The following MREG variants were observed in gnomAD, a reference collection of about 807,000 sequenced individuals.
The protein encoded by MREG is melanoregulin.
In MREG, 31 loss-of-function variants were observed where a neutral mutation model predicts 28.5. That is an observed-to-expected ratio of 1.09 (90% confidence interval 0.82 to 1.47). MREG has a LOEUF of 1.47. MREG is among the 40% of genes most tolerant of loss of function. The pLI is 0.00. For missense variants in MREG, 256 were observed against 257.4 expected (o/e 0.99, Z 0.04); for synonymous variants, 106 against 95.2 (o/e 1.11, Z -0.66).
At chr2:215,967,246 T>A (rs1315568791) in intron 2 of MREG, among the ~76,000 whole-genome samples, 1 of 152,216 alleles carries the variant, frequency 6.6e-6, no homozygotes, top group Non-Finnish European at 1.5e-5. Context: ...GTCATCTGCC[T>A]GCCTCTTTGT....
At chr2:216,010,544 A>C (rs1694274082) in intron 1 of MREG, among the ~76,000 whole-genome samples, 2 of 150,308 alleles carry the variant, frequency 1.3e-5, no homozygotes, top group Non-Finnish European at 3.0e-5. Flanking sequence ...TTTTTAGTAG[A>C]GACGGGGTTT....
chr2:216,004,765 G>A (rs894944979), intron 1 of MREG, among the ~76,000 whole-genome samples: 1 of 152,100 alleles, frequency 6.6e-6, no homozygotes, highest in African/African-American at 2.4e-5. Context: ...TCTTGTGGGA[G>A]GAAGCAGATG....
At chr2:216,021,035 T>G (rs868324947) in intron 1 of MREG, among the ~76,000 whole-genome samples, 1 of 152,218 alleles carries the variant, frequency 6.6e-6, no homozygotes, top group Middle Eastern at 3.2e-3. Context: ...ACACCTGCAC[T>G]AGAATCCCTA....
intron 1 of MREG, among the ~76,000 whole-genome samples, chr2:216,011,502 T>C (rs1694309927): frequency 6.6e-6 from 1 of 152,222 alleles, no homozygotes; most frequent in South Asian, 2.1e-4. Context: ...TTGAAGTATG[T>C]ACTATTATCA....
intron 2 of MREG, among the ~76,000 whole-genome samples, chr2:215,957,340 T>G (rs1465435888): frequency 6.6e-6 from 1 of 152,172 alleles, no homozygotes; most frequent in Non-Finnish European, 1.5e-5. Context: ...CACACCACCT[T>G]GGTGCTTCCT....
chr2:215,949,219 C>T (rs1692417398), intron 2 of MREG, among the ~76,000 whole-genome samples: 1 of 150,036 alleles, frequency 6.7e-6, no homozygotes, highest in South Asian at 2.1e-4. Flanking sequence ...GCAGAGATCG[C>T]ACCACTGCAC....
At chr2:215,973,010 A>C (rs1693146546) in intron 2 of MREG, among the ~76,000 whole-genome samples, 1 of 152,132 alleles carries the variant, frequency 6.6e-6, no homozygotes, top group African/African-American at 2.4e-5. Context: ...GGGAGAAAAA[A>C]ATATGAGTGT....
At chr2:215,959,232 CT>C (rs767424359) in intron 2 of MREG, among the ~76,000 whole-genome samples, 11 of 152,136 alleles carry the variant, frequency 7.2e-5, no homozygotes, top group Non-Finnish European at 1.5e-4. Context: ...AAGTCTCTTA[CT>C]TTAGTCGTCA....
chr2:216,015,950 G>A (rs937983368), upstream of MREG, among the ~76,000 whole-genome samples: 2 of 152,106 alleles, frequency 1.3e-5, no homozygotes, highest in Admixed American at 6.5e-5. Context: ...CCTCATGGGC[G>A]GTGTATTATT....
intron 2 of MREG, among the ~76,000 whole-genome samples, chr2:215,974,569 G>A (rs1312119000): frequency 2.6e-5 from 4 of 152,094 alleles, no homozygotes; most frequent in African/African-American, 9.7e-5. Context: ...CAAGGGAAGA[G>A]GCAGGGCTAG....
At chr2:215,988,655 G>A (rs553161372) in intron 2 of MREG, among the ~76,000 whole-genome samples, 42 of 152,302 alleles carry the variant, frequency 2.8e-4, no homozygotes, top group Non-Finnish European at 5.6e-4. Flanking sequence ...TGAAATTCTC[G>A]CTGCCAGCAC....
chr2:215,977,755 C>A (rs1332191283), intron 2 of MREG, among the ~76,000 whole-genome samples: 1 of 152,178 alleles, frequency 6.6e-6, no homozygotes, highest in East Asian at 1.9e-4. Flanking sequence ...TACATGGAAA[C>A]TGAACAACCT....
exon 1 of MREG, chr2:216,032,902 A>G (rs2105936863): frequency 6.6e-6 from 1 of 152,338 alleles, no homozygotes; most frequent in East Asian, 1.9e-4. Flanking sequence ...TACCAAAGCA[A>G]AAAACTAAAG....
At chr2:215,967,229 CT>C (rs1692966527) in intron 2 of MREG, among the ~76,000 whole-genome samples, 1 of 152,156 alleles carries the variant, frequency 6.6e-6, no homozygotes, top group African/African-American at 2.4e-5. Flanking sequence ...AGACCTTTAC[CT>C]TGTCAGTCAT....
intron 1 of MREG, among the ~76,000 whole-genome samples, chr2:216,003,387 G>A (rs536218067): frequency 1.1e-3 from 171 of 152,232 alleles, no homozygotes; most frequent in African/African-American, 1.7e-3. Flanking sequence ...GCTCGAAGAC[G>A]GTCCTGACAG....
upstream of MREG, among the ~76,000 whole-genome samples, chr2:216,016,493 A>G (rs1694451141): frequency 6.6e-6 from 1 of 152,216 alleles, no homozygotes; most frequent in Admixed American, 6.5e-5. Context: ...CTCCTGGAAA[A>G]TATAAGTGCT....
intron 1 of MREG, among the ~76,000 whole-genome samples, chr2:216,026,102 C>G (rs1694590980): frequency 6.6e-6 from 1 of 152,056 alleles, no homozygotes; most frequent in African/African-American, 2.4e-5. Context: ...TGAAAAAAGC[C>G]AGACACAAAA....
At chr2:216,028,993 T>C (rs904182957) in intron 1 of MREG, among the ~76,000 whole-genome samples, 3 of 152,072 alleles carry the variant, frequency 2.0e-5, no homozygotes, top group African/African-American at 7.2e-5. Context: ...CCCATTGGAA[T>C]ATGGAGTTAA....
In MREG at chr2:215,943,357, G is replaced by A. The variant is rs957203929; in HGVS notation, c.*1506C>T. The A allele has an allele frequency of 6.6e-6, 3 of 456,304 alleles. No homozygotes were observed. In the Admixed American group the frequency reaches 7.0e-5, roughly 11 times the overall value. The allele number at this position is 456,304 out of a possible 1,614,324, so 28.3% of individuals were successfully genotyped here. On this transcript the variant is annotated 3_prime_UTR_variant, in exon 5 of 5. Coordinates refer to ENST00000263268, the MANE Select transcript of MREG (RefSeq NM_018000.3). ...TGCATTCACAGCATTGCTCCCTTTT[G>A]AAAATTATCTTCTGAAGAGAAGAAG...
Sources: gnomAD v4.1 joint callset for allele counts (sites outside exome capture counted in the v4.1 genomes callset) on GRCh38, gnomAD v4.1.1 for gene constraint, MANE v1.5 for transcripts, NCBI Gene and HGNC (gene_info 2026-07-23, HGNC 2026-07-21) for gene names.